Variants in ASCC3 observed in about 807,000 individuals in gnomAD.
ASCC3 encodes activating signal cointegrator 1 complex subunit 3.
ASCC3 carries 158 observed loss-of-function variants against 256.3 expected under a neutral mutation model. The observed-to-expected ratio is 0.62, with a 90% CI of 0.54 to 0.70. The LOEUF is 0.70. Ranked by LOEUF, ASCC3 falls within the 30% of genes least tolerant of loss-of-function variation. The pLI is 0.00. For missense variants in ASCC3, 2,259 were observed against 2,626.0 expected, an observed-to-expected ratio of 0.86 and a Z score of 3.05; for synonymous variants, 948 against 883.4, an observed-to-expected ratio of 1.07 and a Z score of -1.30.
chr6:100,850,363 A>C (rs1364336202), intron 3 of ASCC3, among the ~76,000 whole-genome samples: 1 of 152,102 alleles, frequency 6.6e-6, no homozygotes, highest in African/African-American at 2.4e-5. Context: ...TTCAAATCCT[A>C]CCCATGTTTC....
chr6:100,698,371 C>T (rs536209184), intron 13 of ASCC3, among the ~76,000 whole-genome samples: 1 of 151,970 alleles, frequency 6.6e-6, no homozygotes, highest in Admixed American at 6.6e-5. Context: ...TATAAAATTT[C>T]AAAAATATAA....
At chr6:100,791,391 GATGTCACAGATAAGACAT>G (rs1244258175) in intron 8 of ASCC3, among the ~76,000 whole-genome samples, 13 of 152,008 alleles carry the variant, frequency 8.6e-5, no homozygotes, top group Middle Eastern at 6.8e-3. Flanking sequence ...CTGTATAAAA[GATGTCACAGATAAGACAT>G]AATCTCCAAC....
chr6:100,708,217 T>C (rs780808378), intron 13 of ASCC3, among the ~76,000 whole-genome samples: 2 of 152,162 alleles, frequency 1.3e-5, no homozygotes, highest in Non-Finnish European at 2.9e-5. Context: ...TATATAATAC[T>C]TGTTTGAATT....
At chr6:100,609,018 T>C (rs1463842213) in intron 30 of ASCC3, among the ~76,000 whole-genome samples, 1 of 150,822 alleles carries the variant, frequency 6.6e-6, no homozygotes, top group African/African-American at 2.4e-5. Flanking sequence ...CGTCTCGGCC[T>C]CCCAAAGTGC....
At chr6:100,759,990 G>C (rs1047523975) in intron 10 of ASCC3, among the ~76,000 whole-genome samples, 1 of 152,030 alleles carries the variant, frequency 6.6e-6, no homozygotes, top group African/African-American at 2.4e-5. Flanking sequence ...TGTGATCTTT[G>C]CACACTAATT....
intron 10 of ASCC3, among the ~76,000 whole-genome samples, chr6:100,755,919 C>T (rs1781155180): frequency 6.6e-6 from 1 of 151,806 alleles, no homozygotes; most frequent in African/African-American, 2.4e-5. Flanking sequence ...AAGTAACAAA[C>T]CTTTTTTGTA....
chr6:100,564,520 C>T (rs77498525), intron 36 of ASCC3, among the ~76,000 whole-genome samples: 2,208 of 152,182 alleles, frequency 0.015, 42 homozygotes, highest in African/African-American at 0.051. Context: ...ATTATAAAAG[C>T]CCATGTTCTT....
intron 35 of ASCC3, 23 bp downstream of exon 35, chr6:100,589,925 G>C (rs771367194): frequency 6.3e-7 from 1 of 1,597,974 alleles, no homozygotes; most frequent in Non-Finnish European, 8.6e-7. Flanking sequence ...TTTTCAATTA[G>C]AATGCATATG....
At chr6:100,776,842 T>A (rs187967483) in intron 8 of ASCC3, among the ~76,000 whole-genome samples, 1 of 152,030 alleles carries the variant, frequency 6.6e-6, no homozygotes, top group African/African-American at 2.4e-5. Context: ...AGCTTAAGTT[T>A]AAGATAATCA....
intron 10 of ASCC3, among the ~76,000 whole-genome samples, chr6:100,750,644 T>C (rs1335006128): frequency 1.3e-5 from 2 of 152,062 alleles, no homozygotes; most frequent in Admixed American, 6.6e-5. Context: ...TATAACTACA[T>C]AGTTTTTAAA....
At chr6:100,837,732 T>C (rs1347141644) in intron 4 of ASCC3, among the ~76,000 whole-genome samples, 3 of 151,556 alleles carry the variant, frequency 2.0e-5, no homozygotes, top group Non-Finnish European at 4.4e-5. Context: ...GCTGGGGAGA[T>C]TGGGGGTGGA....
intron 27 of ASCC3, 76 bp from the exon 28 acceptor site, chr6:100,628,063 A>T: frequency 7.3e-7 from 1 of 1,369,758 alleles, no homozygotes; most frequent in Non-Finnish European, 1.0e-6. Context: ...CAAAAGGAAG[A>T]GTTTGTAGCT....
At chr6:100,776,419 G>C (rs1043716654) in intron 8 of ASCC3, among the ~76,000 whole-genome samples, 6 of 152,004 alleles carry the variant, frequency 3.9e-5, no homozygotes, top group African/African-American at 1.4e-4. Flanking sequence ...CATTTTAAGT[G>C]TTACAAGCTT....
chr6:100,834,871 A>G (rs1771798305), intron 4 of ASCC3, among the ~76,000 whole-genome samples: 1 of 152,188 alleles, frequency 6.6e-6, no homozygotes. Context: ...GCATACTAGT[A>G]TTAAACTTTC....
intron 10 of ASCC3, among the ~76,000 whole-genome samples, chr6:100,755,561 TAAA>T (rs779368716): frequency 1.7e-4 from 26 of 152,216 alleles, no homozygotes; most frequent in Non-Finnish European, 3.2e-4. Context: ...GAATCACTCT[TAAA>T]GATCAGACTA....
chr6:100,574,362 TG>T (rs1770752581), intron 36 of ASCC3, among the ~76,000 whole-genome samples: 1 of 151,948 alleles, frequency 6.6e-6, no homozygotes, highest in Non-Finnish European at 1.5e-5. Context: ...AAAACAGAAA[TG>T]GGAAAAGAGA....
At chr6:100,876,140 T>C (rs866730552) in intron 1 of ASCC3, among the ~76,000 whole-genome samples, 9 of 151,996 alleles carry the variant, frequency 5.9e-5, no homozygotes, top group African/African-American at 1.7e-4. Flanking sequence ...GAGACTTGGA[T>C]AGATGAAGGA....
chr6:100,762,688 A>T (rs889619585), intron 10 of ASCC3, among the ~76,000 whole-genome samples: 1 of 152,190 alleles, frequency 6.6e-6, no homozygotes, highest in African/African-American at 2.4e-5. Flanking sequence ...CAATAAAATC[A>T]TAACTGCTGC....
chr6:100,532,297 T>G (rs1294343117), intron 37 of ASCC3, among the ~76,000 whole-genome samples: 8 of 148,440 alleles, frequency 5.4e-5, no homozygotes. Context: ...TTCACTCAGA[T>G]TAGCTCAGTT....
Sources: gnomAD v4.1 joint callset for allele counts (sites outside exome capture counted in the v4.1 genomes callset) on GRCh38, gnomAD v4.1.1 for gene constraint, MANE v1.5 for transcripts, NCBI Gene and HGNC (gene_info 2026-07-23, HGNC 2026-07-21) for gene names.